Variants in PTPN23 observed in about 807,000 individuals in gnomAD.
The protein encoded by PTPN23 is tyrosine-protein phosphatase non-receptor type 23.
PTPN23 carries 72 observed loss-of-function variants against 156.3 expected under a neutral mutation model. The observed-to-expected ratio is 0.46, with a 90% CI of 0.38 to 0.56. The LOEUF is 0.56. Among genes scored for constraint, PTPN23 ranks in the 20% least tolerant of loss-of-function variants. The pLI is 0.00. For missense variants in PTPN23, 1,974 were observed against 2,171.5 expected (o/e 0.91, Z 1.81); for synonymous variants, 957 against 899.6 (o/e 1.06, Z -1.14).
chr3:47,391,808 C>T (rs1221188399), intron 1 of PTPN23, among the ~76,000 whole-genome samples: 1 of 152,176 alleles, frequency 6.6e-6, no homozygotes, highest in East Asian at 1.9e-4. Flanking sequence ...CCTCTTACTG[C>T]AAGGGAGTTA....
In PTPN23 at chr3:47,413,335, G is replaced by T. The variant is rs1206930306; in HGVS notation, c.*150G>T. On this transcript the variant is annotated 3_prime_UTR_variant, in exon 25 of 25. Transcript: ENST00000265562. Reference sequence around the variant, plus strand: ...CTGGCCCAGCCTGCACCCCTGTGGGGTGGAAATGTACTGCAGGCTCTGGGT... The same window carrying T: ...CTGGCCCAGCCTGCACCCCTGTGGGTTGGAAATGTACTGCAGGCTCTGGGT... 1 of 1,119,036 alleles carries T rather than the reference G, an allele frequency of 8.9e-7. No homozygotes were observed. Among genetic ancestry groups the T allele is most frequent in the Non-Finnish European group, 1.3e-6 (1 of 786,126 alleles). 69.3% of individuals were successfully genotyped at this position (1,119,036 alleles called of 1,614,324 possible).
chr3:47,385,409 G>A (rs1322165338), intron 1 of PTPN23, among the ~76,000 whole-genome samples: 2 of 152,160 alleles, frequency 1.3e-5, no homozygotes, highest in Non-Finnish European at 2.9e-5. Context: ...GGGAGCAGTG[G>A]TTCTAACCTG....
chr3:47,411,421 G>C lies in PTPN23; in HGVS notation c.3623G>C (p.Gly1208Ala). ...GATGCGCAGGAACATGATGCCCGAG[G>C]CCGTTCCATCGCCATTGCCCGCTGC... is the stretch of plus-strand genomic sequence containing the variant. ...LQDAQEHDAR[G>A]RSIAIARCYS... Residue 1208 changes from glycine to alanine, a missense_variant, in exon 20 of 25, where the codon GGC becomes GCC. By Grantham distance (60) the Gly-to-Ala change is moderately conservative. Coordinates refer to ENST00000265562, the MANE Select transcript of PTPN23 (RefSeq NM_015466.4). This position sits in a 1 kb window ranked among gnomAD's most constrained non-coding sequence, Gnocchi z 6.3. The C allele has an allele frequency of 6.2e-7, 1 of 1,613,122 alleles. No homozygotes were observed. Among genetic ancestry groups the C allele is most frequent in the Non-Finnish European group, 8.5e-7 (1 of 1,180,030 alleles).
chr3:47,410,173 C>A lies in PTPN23; in HGVS notation c.2375C>A (p.Pro792His). 1 of 1,596,612 alleles carries A rather than the reference C, an allele frequency of 6.3e-7. No homozygotes were observed. Among genetic ancestry groups the A allele is most frequent in the Non-Finnish European group, 8.5e-7 (1 of 1,170,538 alleles). Residue 792 changes from proline to histidine, a missense_variant, in exon 20 of 25, where the codon CCC (proline) becomes CAC (histidine). By Grantham distance (77) the Pro-to-His change is moderately conservative. Coordinates refer to ENST00000265562, the MANE Select transcript of PTPN23 (RefSeq NM_015466.4). ...PGPHYLSGPL[P>H]PGTYSGPTQL... The stretch of plus-strand genomic sequence containing the variant: ...CCCCACTATCTCTCAGGCCCCTTGC[C>A]CCCTGGTACCTACTCGGGCCCCACC...
chr3:47,408,784 G>A lies in PTPN23; in HGVS notation c.1339G>A (p.Gly447Ser). 6.3e-7 allele frequency: 1 copy of A among 1,592,430 alleles called. No homozygotes were observed. Among genetic ancestry groups the A allele is most frequent in the East Asian group, 2.2e-5 (1 of 44,744 alleles). ...NLVQSMQVLS[G>S]VFTDVEASLK... ...ACAATCCACAACCCCAGTGCTGTCA[G>A]GTGTGTTCACGGATGTGGAGGCTTC... The change falls in exon 16 of 25, where the codon GGT becomes AGT. Residue 447 changes from glycine (G) to serine (S), a missense_variant. Gly to Ser is a moderately conservative substitution (Grantham distance 56). This residue lies in a region of PTPN23 where 726 missense variants were observed against 929.5 expected (regional missense o/e 0.78). Coordinates refer to ENST00000265562, the MANE Select transcript of PTPN23 (RefSeq NM_015466.4).
At position 47,381,048 on chromosome 3, in the gene PTPN23, G is replaced by C; in HGVS notation, c.-49G>C. On this transcript the variant is annotated 5_prime_UTR_variant, in exon 1 of 25. Transcript: ENST00000265562. Reference sequence around the variant, plus strand: ...GGCTGGGCTCGTGGCTGAGCCAGCAGCTGCAGCAGCTACGGGAGTGGCCGG... The same window carrying C: ...GGCTGGGCTCGTGGCTGAGCCAGCACCTGCAGCAGCTACGGGAGTGGCCGG... 6.4e-7 allele frequency: 1 copy of C among 1,550,882 alleles called. No individual in the cohort carries two copies. Among genetic ancestry groups the C allele is most frequent in the Non-Finnish European group, 8.7e-7 (1 of 1,147,220 alleles).
rs551150055 is a variant in PTPN23 at position 47,410,218 on chromosome 3, C to A, written c.2420C>A (p.Ala807Asp). The A allele has an allele frequency of 6.2e-7, 1 of 1,611,026 alleles. No homozygotes were observed. The highest frequency in any genetic ancestry group is 1.3e-5 in the African/African-American group (1 of 74,924). ...CCCACCCAGCTGATACAGCCCAGGG[C>A]CCCAGGGCCCCATGCAATGCCCGTA... ...SGPTQLIQPR[A>D]PGPHAMPVAP... The change falls in exon 20 of 25, where the codon GCC becomes GAC. Residue 807 changes from alanine to aspartate, a missense_variant. Coordinates refer to ENST00000265562, the MANE Select transcript of PTPN23 (RefSeq NM_015466.4).
rs776137315 is a variant in PTPN23 at position 47,409,091 on chromosome 3, A to G, written c.1642+4A>G. The G allele has an allele frequency of 6.2e-7, 1 of 1,609,850 alleles. No homozygotes were observed. The highest frequency in any genetic ancestry group is 8.5e-7 in the Non-Finnish European group (1 of 1,177,400). On this transcript the variant is annotated splice_donor_region_variant and intron_variant, in intron 16 of 24. Transcript: ENST00000265562. Reference sequence around the variant, plus strand: ...CCCACACCGGCCCTCTCCCCAGGTGAGCCCCACCAGACCCCATTGGGAGAC... The same window carrying G: ...CCCACACCGGCCCTCTCCCCAGGTGGGCCCCACCAGACCCCATTGGGAGAC...
At chr3:47,390,392 C>A (rs1055450695) in intron 1 of PTPN23, among the ~76,000 whole-genome samples, 5 of 152,040 alleles carry the variant, frequency 3.3e-5, no homozygotes, top group Admixed American at 1.3e-4. Context: ...TTCTTTTATT[C>A]CTTCAGAAAA....
intron 1 of PTPN23, among the ~76,000 whole-genome samples, chr3:47,393,149 T>C (rs944842434): frequency 2.0e-5 from 3 of 151,724 alleles, no homozygotes; most frequent in Non-Finnish European, 2.9e-5. Flanking sequence ...TACCTAGTTT[T>C]GTTTGTTTGT....
rs767524349 is a variant in PTPN23, at chr3:47,406,312, C to T, written c.547-13C>T. The T allele has an allele frequency of 9.3e-6, 15 of 1,613,090 alleles. No individual in the cohort carries two copies. The highest frequency in any genetic ancestry group is 5.5e-5 in the South Asian group (5 of 91,074). ...TGGGTGAGCGAGGGAGTGCACCTCA[C>T]GTGTCGCCCCAGGGCCAGGCTCAGG... On this transcript the variant is annotated splice_polypyrimidine_tract_variant and intron_variant, in intron 6 of 24. Transcript: ENST00000265562. This position sits in a 1 kb window ranked among gnomAD's most constrained non-coding sequence, Gnocchi z 5.8.
chr3:47,411,995 G>T lies in PTPN23; in HGVS notation c.4073+28G>T. The T allele has an allele frequency of 6.2e-7, 1 of 1,606,164 alleles. No homozygotes were observed. The highest frequency in any genetic ancestry group is 8.5e-7 in the Non-Finnish European group (1 of 1,175,586). On this transcript the variant is annotated intron_variant, in intron 21 of 24. Transcript: ENST00000265562. This position sits in a 1 kb window ranked among gnomAD's most constrained non-coding sequence, Gnocchi z 6.3. ...GAGTCCACTGCTCTGGATGGTGGTT[G>T]GGGGTCTAAGTGCTGTCCAGTCCTT...
At position 47,409,039 on chromosome 3, in the gene PTPN23, C is replaced by G. The variant is rs1166179874; in HGVS notation, c.1594C>G (p.Pro532Ala). 1 of 1,613,694 alleles carries G rather than the reference C, an allele frequency of 6.2e-7. No individual in the cohort carries two copies. Among genetic ancestry groups the G allele is most frequent in the Non-Finnish European group, 8.5e-7 (1 of 1,179,972 alleles). ...HVGNLRLLSGPLDQVRAALPT... is the reference protein window; with the variant it reads ...HVGNLRLLSGALDQVRAALPT... ...CGGCAACCTGCGCCTGCTCAGCGGG[C>G]CGCTTGACCAGGTCCGGGCTGCCCT... is the stretch of plus-strand genomic sequence containing the variant. Residue 532 changes from proline to alanine, a missense_variant, in exon 16 of 25, where the codon CCG becomes GCG. Pro to Ala is a conservative substitution (Grantham distance 27). Coordinates refer to ENST00000265562, the MANE Select transcript of PTPN23 (RefSeq NM_015466.4).
chr3:47,410,958 G>A lies in PTPN23; in HGVS notation c.3160G>A (p.Ala1054Thr). Reference sequence around the variant, plus strand: ...CCATCCCCCACTGGCATATGGTCCTGCCCCTTCTACCAGACCCATGGGCCC... The same window carrying A: ...CCATCCCCCACTGGCATATGGTCCTACCCCTTCTACCAGACCCATGGGCCC... ...PPHPPLAYGP[A>T]PSTRPMGPQA... Residue 1054 changes from alanine (A) to threonine (T), a missense_variant, in exon 20 of 25, where the codon GCC becomes ACC. Around this residue, in one of 4 missense-constraint regions of PTPN23, gnomAD observed 731 missense variants for 669.1 expected, o/e 1.09. Coordinates refer to ENST00000265562, the MANE Select transcript of PTPN23 (RefSeq NM_015466.4). The A allele has an allele frequency of 6.2e-7, 1 of 1,604,884 alleles. No individual in the cohort carries two copies.
At position 47,410,021 on chromosome 3, in the gene PTPN23, CCCT is replaced by C; in HGVS notation, c.2224_2226del (p.Pro742del). On this transcript the variant is annotated inframe_deletion, in exon 20 of 25. Coordinates refer to ENST00000265562, the MANE Select transcript of PTPN23 (RefSeq NM_015466.4). ...GTGAGGCAGTGGAAGCAGGAGACCC[CCCT>C]GAGGAGCTGCGCAGCCTCCCCCCTG... 6.2e-7 allele frequency: 1 copy of C among 1,610,284 alleles called. No individual in the cohort carries two copies. Among genetic ancestry groups the C allele is most frequent in the South Asian group, 1.1e-5 (1 of 90,372 alleles).
rs372202868 is a variant in PTPN23 at position 47,407,485 on chromosome 3, C to T, written c.924-20C>T. On this transcript the variant is annotated intron_variant, in intron 11 of 24. Transcript: ENST00000265562. This position sits in a 1 kb window ranked among gnomAD's most constrained non-coding sequence, Gnocchi z 4.0. The stretch of plus-strand genomic sequence containing the variant: ...ACTGACACCCCGTGACTGCCCACTC[C>T]CCCTGCTCCTGATCCCCAGGTACAA... 9.3e-6 allele frequency: 15 copies of T among 1,612,398 alleles called. No individual in the cohort carries two copies. The highest frequency in any genetic ancestry group is 1.6e-4 in the Middle Eastern group (1 of 6,082).
At chr3:47,400,676 C>T (rs944364559) in intron 2 of PTPN23, among the ~76,000 whole-genome samples, 2 of 152,074 alleles carry the variant, frequency 1.3e-5, no homozygotes, top group Admixed American at 6.6e-5. Context: ...AGGGTTCAAG[C>T]GATTCTCCTG....
intron 15 of PTPN23, 128 bp from the exon 16 acceptor site, chr3:47,408,648 C>A: frequency 1.4e-6 from 2 of 1,413,472 alleles, no homozygotes; most frequent in Non-Finnish European, 1.9e-6. Context: ...CCTCTTGCAC[C>A]CTGCTCAGTG....
Position 47,410,292 on chromosome 3 carries a change from G to A in PTPN23, c.2494G>A (p.Gly832Ser), listed in dbSNP as rs141964558. 19 of 1,605,758 alleles carry A rather than the reference G, an allele frequency of 1.2e-5. No individual in the cohort carries two copies. The highest frequency in any genetic ancestry group is 1.6e-5 in the Non-Finnish European group (19 of 1,176,018). ...YPAPAYTPEL[G>S]LVPRSSPQHG... ...AGCCCCTGCCTACACACCGGAGCTGGGCCTTGTGCCCCGATCCTCCCCACA... is the reference window on the plus strand; with the variant it reads ...AGCCCCTGCCTACACACCGGAGCTGAGCCTTGTGCCCCGATCCTCCCCACA... The change falls in exon 20 of 25, where the codon GGC becomes AGC. Residue 832 changes from glycine to serine, a missense_variant. Around this residue, in one of 4 missense-constraint regions of PTPN23, gnomAD observed 731 missense variants for 669.1 expected, o/e 1.09. Coordinates refer to ENST00000265562, the MANE Select transcript of PTPN23 (RefSeq NM_015466.4).
Sources: allele counts gnomAD v4.1 joint callset (sites outside exome capture counted in the v4.1 genomes callset), GRCh38; gene constraint gnomAD v4.1.1; regional missense constraint gnomAD v4.1.1; non-coding constraint Gnocchi (gnomAD v3.1); transcripts MANE v1.5; gene names NCBI Gene and HGNC (gene_info 2026-07-23, HGNC 2026-07-21).